Variants in SEC16A observed in about 807,000 individuals in gnomAD.
SEC16A encodes SEC16 homolog A, endoplasmic reticulum export factor, also known as protein transport protein Sec16A.
A neutral mutation model predicts 221.9 loss-of-function variants in SEC16A; 110 were observed. That is an observed-to-expected ratio of 0.50 (90% CI 0.42 to 0.58). The LOEUF (loss-of-function observed/expected upper bound fraction) is 0.58, where lower values mean the gene tolerates loss of function less well. Among genes scored for constraint, SEC16A ranks in the 20% least tolerant of loss-of-function variants. The probability of loss-of-function intolerance (pLI) is 0.00; values close to 1 mark genes in which losing one functional copy is unlikely to be tolerated. For synonymous variants in SEC16A, 1,393 were observed against 1,257.7 expected (o/e 1.11, Z -2.28); for missense variants, 3,165 against 3,097.8 (o/e 1.02, Z -0.52).
chr9:136,478,252 A>C (rs998264713), intron 2 of SEC16A, among the ~76,000 whole-genome samples: 52 of 152,188 alleles, frequency 3.4e-4, no homozygotes, highest in African/African-American at 1.3e-3. Flanking sequence ...AAAATACAAA[A>C]ATCAGCCAGG....
At chr9:136,460,683 G>C (rs1813230269) in intron 13 of SEC16A, among the ~76,000 whole-genome samples, 1 of 151,812 alleles carries the variant, frequency 6.6e-6, no homozygotes, top group South Asian at 2.1e-4. Context: ...AGGCCAAGGC[G>C]GGCAGATCCC....
At position 136,460,129 on chromosome 9, in the gene SEC16A, C is replaced by T; in HGVS notation, c.4992-6G>A. Reference sequence around the variant, plus strand: ...TTGGGAGGCTGTTAGCAAACCTAGGCAGACATAAACACAGAAAGACCCCAT... The same window carrying T: ...TTGGGAGGCTGTTAGCAAACCTAGGTAGACATAAACACAGAAAGACCCCAT... On this transcript the variant is annotated splice_polypyrimidine_tract_variant and splice_region_variant and intron_variant, in intron 13 of 31. Coordinates refer to ENST00000684901, the MANE Select transcript of SEC16A (RefSeq NM_014866.2). The T allele has an allele frequency of 6.3e-7, 1 of 1,596,278 alleles. No individual in the cohort carries two copies. Among genetic ancestry groups the T allele is most frequent in the South Asian group, 1.1e-5 (1 of 88,322 alleles).
chr9:136,469,580 C>T (rs114205824), intron 4 of SEC16A, among the ~76,000 whole-genome samples: 383 of 152,348 alleles, frequency 2.5e-3, no homozygotes, highest in African/African-American at 8.7e-3. Flanking sequence ...AGGAGGATGG[C>T]TTGAGCCCAG....
rs537040519 is a variant in SEC16A, at chr9:136,474,351, C to A, written c.3265G>T (p.Ala1089Ser). The A allele has an allele frequency of 5.6e-6, 9 of 1,612,338 alleles. No individual in the cohort carries two copies. In the East Asian group the frequency reaches 1.1e-4, roughly 20 times the overall value. The change falls in exon 3 of 32, where the codon GCA becomes TCA. Residue 1089 changes from alanine (A) to serine (S), a missense_variant. Ala to Ser is a moderately conservative substitution (Grantham distance 99, BLOSUM62 1). This residue lies in a region of SEC16A where 2,030 missense variants were observed against 1,923.1 expected (regional missense o/e 1.06). Coordinates refer to ENST00000684901, the MANE Select transcript of SEC16A (RefSeq NM_014866.2). The stretch of plus-strand genomic sequence containing the variant: ...GCTGAGTTCTGGGCCTGTCCCTGTG[C>A]GGGCAGACTTTCTGGATTTGACAGC... ...SELSNPESLP[A>S]QGQAQNSAQS...
Position 136,467,082 on chromosome 9 carries a change from A to T in SEC16A, c.3804T>A (p.Asp1268Glu). The T allele has an allele frequency of 6.2e-7, 1 of 1,613,806 alleles. No individual in the cohort carries two copies. The highest frequency in any genetic ancestry group is 8.5e-7 in the Non-Finnish European group (1 of 1,179,832). ...SYYSSQYDYG[D>E]PGHWDRYHYS... ...AGTGGTAACGATCCCAGTGACCTGG[A>T]TCTGTGAGCAAGGAATTAATGATTA... is the stretch of plus-strand genomic sequence containing the variant. The change falls in exon 6 of 32, where the codon GAT becomes GAA. Residue 1268 changes from aspartate to glutamate, a missense_variant and splice_region_variant. Coordinates refer to ENST00000684901, the MANE Select transcript of SEC16A (RefSeq NM_014866.2).
Position 136,452,470 on chromosome 9 carries a change from A to C in SEC16A, c.6159+958T>G, listed in dbSNP as rs1429087566. Among the ~76,000 whole-genome samples the C allele has an allele frequency of 1.4e-5, 2 of 147,120 alleles. 1 individual carries two copies. The highest frequency in any genetic ancestry group is 4.3e-4 in the South Asian group (2 of 4,686). ...ATCTCAAAAAAAAAAAAAAAAAAAAAAAAAAAAAGAGATGGCCAGGTGCAG... is the reference window on the plus strand; with the variant it reads ...ATCTCAAAAAAAAAAAAAAAAAAAACAAAAAAAAGAGATGGCCAGGTGCAG... On this transcript the variant is annotated intron_variant, in intron 22 of 31. Coordinates refer to ENST00000684901, the MANE Select transcript of SEC16A (RefSeq NM_014866.2).
chr9:136,468,355 A>C, intron 5 of SEC16A, 60 bp downstream of exon 5: 1 of 1,039,408 alleles, frequency 9.6e-7, no homozygotes, highest in Non-Finnish European at 1.5e-6. Context: ...GCTGCATGTC[A>C]TCAGTGTCTT....
rs752776215 is a variant in SEC16A, at chr9:136,456,198, C to T, written c.5551-32G>A. The T allele has an allele frequency of 8.5e-6, 13 of 1,533,792 alleles. No individual in the cohort carries two copies. The Admixed American group carries it at 1.9e-4, about 22-fold the overall frequency. The stretch of plus-strand genomic sequence containing the variant: ...ACGGGCAAAAATCAAAGGCCCCTGT[C>T]ACCACCGGGTGATGGCAAGTGAGCC... On this transcript the variant is annotated intron_variant, in intron 18 of 31. Coordinates refer to ENST00000684901, the MANE Select transcript of SEC16A (RefSeq NM_014866.2).
chr9:136,451,486 C>A, intron 22 of SEC16A, 78 bp from the exon 23 acceptor site: 1 of 1,474,610 alleles, frequency 6.8e-7, no homozygotes, highest in Non-Finnish European at 9.0e-7. Flanking sequence ...TGCAATTCCC[C>A]AGGCGTGTTT....
intron 31 of SEC16A, among the ~76,000 whole-genome samples, chr9:136,443,191 A>C (rs902482107): frequency 3.9e-5 from 6 of 152,044 alleles, no homozygotes; most frequent in African/African-American, 1.4e-4. Context: ...ACCTAGGAAA[A>C]GGCAAAGCGA....
intron 22 of SEC16A, among the ~76,000 whole-genome samples, chr9:136,451,837 AT>A (rs1837858799): frequency 6.6e-6 from 1 of 152,180 alleles, no homozygotes; most frequent in Admixed American, 6.5e-5. Context: ...CTCAACCCTC[AT>A]TTTTACTTTT....
At chr9:136,456,647 A>C (rs1457968529) in intron 18 of SEC16A, among the ~76,000 whole-genome samples, 1 of 152,238 alleles carries the variant, frequency 6.6e-6, no homozygotes, top group Non-Finnish European at 1.5e-5. Context: ...AAATGTCCCT[A>C]ATACAGTTTT....
intron 31 of SEC16A, among the ~76,000 whole-genome samples, chr9:136,442,277 C>G (rs114940935): frequency 2.2e-3 from 338 of 152,372 alleles, no homozygotes; most frequent in African/African-American, 7.7e-3. Flanking sequence ...TGTAAAGGCA[C>G]TAACCACATG....
At chr9:136,465,173 C>G (rs750055324) in intron 8 of SEC16A, among the ~76,000 whole-genome samples, 2 of 151,730 alleles carry the variant, frequency 1.3e-5, no homozygotes, top group Admixed American at 6.6e-5. Flanking sequence ...AAAGTAAGGC[C>G]GGGCACAGTG....
intron 28 of SEC16A, among the ~76,000 whole-genome samples, chr9:136,445,970 G>A (rs1337784168): frequency 6.6e-6 from 1 of 152,186 alleles, no homozygotes; most frequent in East Asian, 1.9e-4. Flanking sequence ...TGGGGCTACT[G>A]TTATTCCCAT....
At chr9:136,451,165 T>A (rs1339846790) in intron 23 of SEC16A, 91 bp downstream of exon 23, 2 of 1,310,496 alleles carry the variant, frequency 1.5e-6, no homozygotes, top group Admixed American at 2.1e-5. Context: ...TATTTGCATG[T>A]GTGGTGAATT....
At chr9:136,445,136 A>G (rs374341499) in intron 29 of SEC16A, 25 bp from the exon 30 acceptor site, 7 of 1,591,142 alleles carry the variant, frequency 4.4e-6, no homozygotes, top group African/African-American at 1.3e-5. Context: ...GAACACACAT[A>G]AAACACGGAC....
intron 31 of SEC16A, among the ~76,000 whole-genome samples, chr9:136,442,937 A>G (rs1836404852): frequency 6.6e-6 from 1 of 152,270 alleles, no homozygotes; most frequent in South Asian, 2.1e-4. Context: ...ATACAAAAAA[A>G]GCAAGAGCTA....
At position 136,459,318 on chromosome 9, in the gene SEC16A, G is replaced by A; in HGVS notation, c.5304-79C>T. The A allele has an allele frequency of 6.9e-7, 1 of 1,459,104 alleles. No homozygotes were observed. Among genetic ancestry groups the A allele is most frequent in the African/African-American group, 1.4e-5 (1 of 71,890 alleles). 90.4% of individuals were successfully genotyped at this position (1,459,104 alleles called of 1,614,324 possible). On this transcript the variant is annotated intron_variant, in intron 16 of 31. Transcript: ENST00000684901. This position sits in a 1 kb window ranked among gnomAD's most constrained non-coding sequence, Gnocchi z 6.1. ...AGTCAACCTTGGAGCAAATCATCCAGAAGTGTGTCCCACCACGTGACAAAT... is the reference window on the plus strand; with the variant it reads ...AGTCAACCTTGGAGCAAATCATCCAAAAGTGTGTCCCACCACGTGACAAAT...
Sources: allele counts gnomAD v4.1 joint callset (sites outside exome capture counted in the v4.1 genomes callset), GRCh38; gene constraint gnomAD v4.1.1; regional missense constraint gnomAD v4.1.1; non-coding constraint Gnocchi (gnomAD v3.1); transcripts MANE v1.5; gene names NCBI Gene and HGNC (gene_info 2026-07-23, HGNC 2026-07-21).